SGCD: variants seen among roughly 807,000 people sequenced by gnomAD.
SGCD encodes sarcoglycan delta, also known as delta-sarcoglycan.
SGCD carries 18 observed loss-of-function variants against 36.6 expected under a neutral mutation model. The observed-to-expected ratio is 0.49, with a 90% CI of 0.34 to 0.73. The LOEUF (loss-of-function observed/expected upper bound fraction) is 0.73. Among genes scored for constraint, SGCD ranks in the 30% least tolerant of loss-of-function variants. The pLI, the probability that SGCD is intolerant of heterozygous loss-of-function variation, is 0.01. For synonymous variants in SGCD, 133 were observed against 130.6 expected, an observed-to-expected ratio of 1.02 and a Z score of -0.12; for missense variants, 387 against 346.7, an observed-to-expected ratio of 1.12 and a Z score of -0.92.
intron 2 of SGCD, among the ~76,000 whole-genome samples, chr5:156,331,098 G>C (rs1434231139): frequency 6.6e-6 from 1 of 152,184 alleles, no homozygotes; most frequent in Non-Finnish European, 1.5e-5. Flanking sequence ...AGTGAAAAAG[G>C]TAGAGCAAGG....
Position 156,170,941 on chromosome 5 carries a change from C to T in SGCD, c.-44+46922C>T, listed in dbSNP as rs945924533. ...AAGGTGGGCATTTATAAAATGTTGC[C>T]AGACACCATTCACTACGTACATTTT... On this transcript the variant is annotated intron_variant, in intron 3 of 9. Coordinates refer to the SGCD transcript ENST00000517913. Among the ~76,000 whole-genome samples, 12 of 152,288 alleles carry T rather than the reference C, an allele frequency of 7.9e-5. No homozygotes were observed. The East Asian group carries it at 1.9e-3, about 24-fold the overall frequency.
chr5:156,255,426 C>T (rs995302921), intron 3 of SGCD, among the ~76,000 whole-genome samples: 1 of 152,084 alleles, frequency 6.6e-6, no homozygotes, highest in Non-Finnish European at 1.5e-5. Flanking sequence ...GTCTGCTTTG[C>T]CCTGACCTAT....
intron 7 of SGCD, among the ~76,000 whole-genome samples, chr5:156,649,750 T>C (rs1212675945): frequency 1.3e-5 from 2 of 152,046 alleles, no homozygotes; most frequent in Admixed American, 6.6e-5. Flanking sequence ...TTAGGAGATA[T>C]ACCTAATGTT....
At chr5:156,590,622 A>G (rs1237426952) in intron 5 of SGCD, among the ~76,000 whole-genome samples, 2 of 152,176 alleles carry the variant, frequency 1.3e-5, no homozygotes, top group African/African-American at 2.4e-5. Context: ...GAACTTATTT[A>G]GCCTGTTGAT....
intron 3 of SGCD, among the ~76,000 whole-genome samples, chr5:156,193,297 A>T (rs942438354): frequency 6.6e-6 from 1 of 152,142 alleles, no homozygotes; most frequent in African/African-American, 2.4e-5. Flanking sequence ...CCATACAGGA[A>T]CGCGTGCTTT....
chr5:156,427,928 A>G (rs1580977636), intron 3 of SGCD, among the ~76,000 whole-genome samples: 1 of 152,024 alleles, frequency 6.6e-6, no homozygotes, highest in African/African-American at 2.4e-5. Context: ...ATGTTGTTGG[A>G]TTCAGTTAGC....
In SGCD at chr5:155,908,665, T is replaced by A. The variant is rs142113160; in HGVS notation, c.-282+38241T>A. 9.9e-5 allele frequency among the ~76,000 whole-genome samples: 15 copies of A among 152,266 alleles called. No individual in the cohort carries two copies. In the East Asian group the frequency reaches 2.9e-3, roughly 29 times the overall value. On this transcript the variant is annotated intron_variant, in intron 1 of 9. Coordinates refer to the SGCD transcript ENST00000517913. The stretch of plus-strand genomic sequence containing the variant: ...ATATTGCAGCTATTTCTGCACTGGC[T>A]TTTGCATCAGTTTCTTGTGAGCTTT...
At chr5:156,113,712 A>C (rs955776039) in intron 1 of SGCD, among the ~76,000 whole-genome samples, 1 of 152,166 alleles carries the variant, frequency 6.6e-6, no homozygotes, top group African/African-American at 2.4e-5. Flanking sequence ...CTGCACATGG[A>C]TGTTTGCAGC....
At chr5:156,455,478 C>T (rs1181414052) in intron 3 of SGCD, among the ~76,000 whole-genome samples, 3 of 150,622 alleles carry the variant, frequency 2.0e-5, no homozygotes, top group Middle Eastern at 6.9e-3. Context: ...TGGCTTAGTA[C>T]TCAGTACTTT....
chr5:156,568,309 G>A (rs1327474619), intron 4 of SGCD, among the ~76,000 whole-genome samples: 3 of 152,116 alleles, frequency 2.0e-5, no homozygotes, highest in African/African-American at 4.8e-5. Flanking sequence ...GCTTGAACCC[G>A]GGAGGCAGAG....
intron 3 of SGCD, among the ~76,000 whole-genome samples, chr5:156,409,210 T>C (rs1772605880): frequency 6.6e-6 from 1 of 152,152 alleles, no homozygotes; most frequent in Non-Finnish European, 1.5e-5. Flanking sequence ...ATTAATTCAC[T>C]CCTTAACCTG....
chr5:156,762,154 A>T lies in SGCD; in HGVS notation c.*2764A>T, dbSNP rs1757511247. ...AAAAATCTACTAACGCCTACTTTTT[A>T]AAAAATGAGATTCTTTCTAATCTTT... is the stretch of plus-strand genomic sequence containing the variant. On this transcript the variant is annotated 3_prime_UTR_variant, in exon 9 of 9. Coordinates refer to ENST00000337851, the MANE Select transcript of SGCD (RefSeq NM_000337.6). 2 of 152,678 alleles carry T rather than the reference A, an allele frequency of 1.3e-5. No homozygotes were observed. The highest frequency in any genetic ancestry group is 6.5e-5 in the Admixed American group (1 of 15,298). The allele number at this position is 152,678 out of a possible 1,614,324, so 9.5% of individuals were successfully genotyped here.
intron 3 of SGCD, among the ~76,000 whole-genome samples, chr5:156,225,051 A>G (rs1764815605): frequency 6.6e-6 from 1 of 152,072 alleles, no homozygotes; most frequent in East Asian, 1.9e-4. Flanking sequence ...CACCTCTGAA[A>G]TAGAAACGTG....
intron 3 of SGCD, among the ~76,000 whole-genome samples, chr5:156,239,082 G>A (rs749337658): frequency 5.9e-5 from 9 of 151,960 alleles, no homozygotes; most frequent in South Asian, 2.1e-4. Context: ...GTCCCGTGGC[G>A]CATCAGTAAT....
At chr5:155,915,197 T>C (rs1440946920) in intron 1 of SGCD, among the ~76,000 whole-genome samples, 1 of 152,170 alleles carries the variant, frequency 6.6e-6, no homozygotes, top group Non-Finnish European at 1.5e-5. Flanking sequence ...AGGACACTTT[T>C]GAGACATTTT....
intron 6 of SGCD, among the ~76,000 whole-genome samples, chr5:156,644,472 T>C (rs530908782): frequency 1.3e-5 from 2 of 152,248 alleles, no homozygotes; most frequent in Non-Finnish European, 2.9e-5. Flanking sequence ...ATTTTATCTA[T>C]TACGAGATTT....
rs142632321 is a variant in SGCD, at chr5:156,621,193, AT to A, written c.502+26150del. ...ATCCACAGCTAAGCAAGAAAGTTAGATTTTTTTTCCCCCTTTGAGATAGAGT... is the reference window on the plus strand; with the variant it reads ...ATCCACAGCTAAGCAAGAAAGTTAGATTTTTTTCCCCCTTTGAGATAGAGT... On this transcript the variant is annotated intron_variant, in intron 6 of 8. Transcript: ENST00000337851. Among the ~76,000 whole-genome samples, 1,130 of 152,020 alleles carry A rather than the reference AT, an allele frequency of 7.4e-3. 10 individuals carry two copies. The highest frequency in any genetic ancestry group is 0.018 in the Admixed American group (277 of 15,264).
chr5:156,738,222 G>C (rs1012286355), intron 7 of SGCD, among the ~76,000 whole-genome samples: 1 of 152,118 alleles, frequency 6.6e-6, no homozygotes, highest in African/African-American at 2.4e-5. Context: ...CAATTATTTA[G>C]TTTCTATCTC....
intron 3 of SGCD, among the ~76,000 whole-genome samples, chr5:156,434,427 A>C (rs766663867): frequency 9.9e-5 from 15 of 152,148 alleles, no homozygotes; most frequent in Admixed American, 3.3e-4. Flanking sequence ...AGTCCCATTT[A>C]AGCCTTTATT....
Sources: gnomAD v4.1 joint callset for allele counts (sites outside exome capture counted in the v4.1 genomes callset) on GRCh38, gnomAD v4.1.1 for gene constraint, MANE v1.5 for transcripts, NCBI Gene and HGNC (gene_info 2026-07-23, HGNC 2026-07-21) for gene names.